The following ILDR2 variants were observed in gnomAD, a reference collection of about 807,000 sequenced individuals.
The protein encoded by ILDR2 is immunoglobulin-like domain-containing receptor 2.
In ILDR2, 25 loss-of-function variants were observed where a neutral mutation model predicts 66.8. That is an observed-to-expected ratio of 0.37 (90% CI 0.27 to 0.52). The LOEUF (loss-of-function observed/expected upper bound fraction) is 0.52, where lower values mean the gene tolerates loss of function less well. Among genes scored for constraint, ILDR2 ranks in the 20% least tolerant of loss-of-function variants. The probability of loss-of-function intolerance (pLI) is 0.88; values close to 1 mark genes in which losing one functional copy is unlikely to be tolerated. For missense variants in ILDR2, 827 were observed against 876.8 expected (o/e 0.94, Z 0.72); for synonymous variants, 367 against 357.2 (o/e 1.03, Z -0.31).
intron 1 of ILDR2, among the ~76,000 whole-genome samples, chr1:166,962,468 A>G (rs1571201370): frequency 6.6e-6 from 1 of 152,072 alleles, no homozygotes; most frequent in East Asian, 1.9e-4. Context: ...ACCTTCATGC[A>G]TGGCTGATCC....
At chr1:166,944,048 A>G (rs774831694) in intron 3 of ILDR2, among the ~76,000 whole-genome samples, 5 of 152,264 alleles carry the variant, frequency 3.3e-5, no homozygotes, top group Non-Finnish European at 7.3e-5. Context: ...TTGTACATGC[A>G]CACACACAAG....
Position 166,939,525 on chromosome 1 carries a change from T to A in ILDR2, c.545A>T (p.Glu182Val). 1 of 1,613,670 alleles carries A rather than the reference T, an allele frequency of 6.2e-7. No individual in the cohort carries two copies. Among genetic ancestry groups the A allele is most frequent in the Non-Finnish European group, 8.5e-7 (1 of 1,179,638 alleles). ...AAATGACCGAATACCTGGCATAATC[T>A]CCACAGCAAAACTGGGCAAGAGATC... is the stretch of plus-strand genomic sequence containing the variant. ...LADLLPSFAV[E>V]IMPEWVFVGL... The change falls in exon 4 of 10, where the codon GAG becomes GTG. Residue 182 changes from glutamate (E) to valine (V), a missense_variant. Coordinates refer to ENST00000271417, the MANE Select transcript of ILDR2 (RefSeq NM_199351.3).
intron 1 of ILDR2, among the ~76,000 whole-genome samples, chr1:166,966,626 G>C (rs571207442): frequency 1.3e-5 from 2 of 152,162 alleles, no homozygotes; most frequent in African/African-American, 2.4e-5. Context: ...CCATCACTGC[G>C]TAGGTAAAAG....
rs889796284 is a variant in ILDR2, at chr1:166,936,913, C to G, written c.557-176G>C. ...AGAGGAACTCTGAGAGTCAGGAGTG[C>G]AGACCCTCAGTCCCGGGGAATGGAG... On this transcript the variant is annotated intron_variant, in intron 4 of 9. Coordinates refer to ENST00000271417, the MANE Select transcript of ILDR2 (RefSeq NM_199351.3). This position sits in a 1 kb window ranked among gnomAD's most constrained non-coding sequence, Gnocchi z 5.0. Among the ~76,000 whole-genome samples, 2 of 152,130 alleles carry G rather than the reference C, an allele frequency of 1.3e-5. No individual in the cohort carries two copies. Among genetic ancestry groups the G allele is most frequent in the African/African-American group, 4.8e-5 (2 of 41,406 alleles).
intron 1 of ILDR2, among the ~76,000 whole-genome samples, chr1:166,973,908 G>A (rs1663455959): frequency 6.6e-6 from 1 of 152,112 alleles, no homozygotes; most frequent in Non-Finnish European, 1.5e-5. Flanking sequence ...CCCAGCAGTG[G>A]GGCAACGGCA....
intron 2 of ILDR2, among the ~76,000 whole-genome samples, chr1:166,900,886 T>C (rs369926476): frequency 1.3e-5 from 2 of 152,256 alleles, no homozygotes; most frequent in East Asian, 3.8e-4. Context: ...AGTTTATTTC[T>C]AAGGTTAAAT....
chr1:166,937,765 T>C (rs1018468456), intron 4 of ILDR2, among the ~76,000 whole-genome samples: 2 of 152,234 alleles, frequency 1.3e-5, no homozygotes, highest in African/African-American at 4.8e-5. Context: ...GGGAGAGCCA[T>C]GCTTTCCTTT....
chr1:166,969,042 G>T (rs1243884123), intron 1 of ILDR2, among the ~76,000 whole-genome samples: 1 of 152,140 alleles, frequency 6.6e-6, no homozygotes, highest in African/African-American at 2.4e-5. Context: ...CAAACATTGT[G>T]CTAGAAGTTT....
chr1:166,966,197 C>T (rs1225856872), intron 1 of ILDR2, among the ~76,000 whole-genome samples: 1 of 152,070 alleles, frequency 6.6e-6, no homozygotes, highest in African/African-American at 2.4e-5. Flanking sequence ...TTGGAATCTG[C>T]CTATTTTCTG....
In ILDR2 at chr1:166,911,721, A is replaced by C. The variant is rs1659479315; in HGVS notation, c.*7634T>G. On this transcript the variant is annotated 3_prime_UTR_variant, in exon 10 of 10. Coordinates refer to ENST00000271417, the MANE Select transcript of ILDR2 (RefSeq NM_199351.3). The stretch of plus-strand genomic sequence containing the variant: ...CTATGTAAATTTGAAAAAGAACTAA[A>C]CTCCTAGAAATGAAATACATATTAA... 1 of 151,970 alleles carries C rather than the reference A, an allele frequency of 6.6e-6. No homozygotes were observed. The highest frequency in any genetic ancestry group is 1.5e-5 in the Non-Finnish European group (1 of 67,974). The allele number at this position is 151,970 out of a possible 1,614,324, so 9.4% of individuals were successfully genotyped here.
At chr1:166,945,528 C>A (rs542080715) in intron 3 of ILDR2, among the ~76,000 whole-genome samples, 20 of 152,308 alleles carry the variant, frequency 1.3e-4, no homozygotes, top group African/African-American at 4.1e-4. Context: ...TTGAGGAAGT[C>A]ATTACAGAGA....
intron 2 of ILDR2, among the ~76,000 whole-genome samples, chr1:166,899,233 A>C (rs978859690): frequency 6.6e-6 from 1 of 152,002 alleles, no homozygotes; most frequent in Non-Finnish European, 1.5e-5. Context: ...TCTCTACTAA[A>C]AATACAAAAA....
At chr1:166,907,451 G>A (rs1659368174), downstream of ILDR2, among the ~76,000 whole-genome samples, 1 of 152,154 alleles carries the variant, frequency 6.6e-6, no homozygotes, top group Admixed American at 6.5e-5. Context: ...GGAACAATGA[G>A]CACTCTCCAA....
intron 3 of ILDR2, among the ~76,000 whole-genome samples, chr1:166,942,576 A>G (rs1661370212): frequency 1.3e-5 from 2 of 152,248 alleles, no homozygotes; most frequent in South Asian, 2.1e-4. Flanking sequence ...TGCAGGCTGC[A>G]TAGAGCCCAG....
intron 1 of ILDR2, among the ~76,000 whole-genome samples, chr1:166,963,258 T>TA (rs1213307998): frequency 1.3e-5 from 2 of 152,240 alleles, no homozygotes; most frequent in African/African-American, 4.8e-5. Context: ...AAAATAGCTG[T>TA]AAAATGCTTA....
At chr1:166,897,409 G>T (rs926982049) in intron 2 of ILDR2, among the ~76,000 whole-genome samples, 3 of 152,144 alleles carry the variant, frequency 2.0e-5, no homozygotes, top group African/African-American at 7.2e-5. Context: ...CTTATGCTGG[G>T]CTTCCTGGAC....
At chr1:166,944,991 A>G (rs1661530689) in intron 3 of ILDR2, among the ~76,000 whole-genome samples, 1 of 152,180 alleles carries the variant, frequency 6.6e-6, no homozygotes, top group South Asian at 2.1e-4. Context: ...AGGAACTTGA[A>G]GTGTTTCCAA....
chr1:166,960,498 G>A (rs1662546722), intron 1 of ILDR2, among the ~76,000 whole-genome samples: 3 of 152,186 alleles, frequency 2.0e-5, no homozygotes, highest in African/African-American at 7.2e-5. Flanking sequence ...GCACCATAAT[G>A]CTTACTCTCA....
At position 166,919,234 on chromosome 1, in the gene ILDR2, G is replaced by C. The variant is rs1659758481; in HGVS notation, c.*121C>G. 3 of 927,746 alleles carry C rather than the reference G, an allele frequency of 3.2e-6. No homozygotes were observed. The highest frequency in any genetic ancestry group is 1.6e-5 in the African/African-American group (1 of 61,040). The allele number at this position is 927,746 out of a possible 1,614,324, so 57.5% of individuals were successfully genotyped here. On this transcript the variant is annotated 3_prime_UTR_variant, in exon 10 of 10. Coordinates refer to ENST00000271417, the MANE Select transcript of ILDR2 (RefSeq NM_199351.3). ...GCCTGCCATCCCTTGCCAAAGCAGAGATCAGCAAATCTTCCAAGGTGATGG... is the reference window on the plus strand; with the variant it reads ...GCCTGCCATCCCTTGCCAAAGCAGACATCAGCAAATCTTCCAAGGTGATGG...
Sources: allele counts gnomAD v4.1 joint callset (sites outside exome capture counted in the v4.1 genomes callset), GRCh38; gene constraint gnomAD v4.1.1; non-coding constraint Gnocchi (gnomAD v3.1); transcripts MANE v1.5; gene names NCBI Gene and HGNC (gene_info 2026-07-23, HGNC 2026-07-21).